The following TAPBPL variants were observed in gnomAD, a reference collection of about 807,000 sequenced individuals.
TAPBPL encodes the protein TAP binding protein like.
A neutral mutation model predicts 44.8 loss-of-function variants in TAPBPL; 32 were observed. That is an observed-to-expected ratio of 0.71 (90% CI 0.54 to 0.96). The LOEUF (loss-of-function observed/expected upper bound fraction) is 0.96. TAPBPL is among the 40% of genes least tolerant of loss of function. The probability of loss-of-function intolerance (pLI) is 0.00; values close to 1 mark genes in which losing one functional copy is unlikely to be tolerated. For synonymous variants in TAPBPL, 230 were observed against 240.7 expected (o/e 0.96, Z 0.41); for missense variants, 520 against 586.6 (o/e 0.89, Z 1.17).
downstream of TAPBPL, chr12:6,464,545 G>C: frequency 6.8e-7 from 1 of 1,468,916 alleles, no homozygotes; most frequent in South Asian, 1.5e-5. Context: ...GAGAAAACAA[G>C]AGGGTGAATT....
chr12:6,463,701 C>A (rs1480348736), downstream of TAPBPL: 1 of 1,119,374 alleles, frequency 8.9e-7, no homozygotes, highest in East Asian at 7.4e-5. The surrounding 1 kb of genome is among the most constrained non-coding windows in gnomAD (Gnocchi z 4.0). Context: ...TTATTTGGTG[C>A]CCTCATACAG....
intron 5 of TAPBPL, among the ~76,000 whole-genome samples, 181 bp downstream of exon 5, chr12:6,459,128 T>G: frequency 6.6e-6 from 1 of 152,250 alleles, no homozygotes; most frequent in East Asian, 1.9e-4. Context: ...CTACCACACA[T>G]CCCCTGAGAC....
chr12:6,462,749 A>G (rs910981042), downstream of TAPBPL: 2 of 1,426,114 alleles, frequency 1.4e-6, no homozygotes, highest in Admixed American at 4.5e-5. Flanking sequence ...GACCCCCTGC[A>G]TTAGGCAAGG....
At chr12:6,458,311 G>A (rs1236284583) in intron 4 of TAPBPL, among the ~76,000 whole-genome samples, 1 of 151,980 alleles carries the variant, frequency 6.6e-6, no homozygotes, top group Non-Finnish European at 1.5e-5. Context: ...CGGAGGTGGA[G>A]GTTGCGGTGA....
Position 6,462,174 on chromosome 12 carries a change from A to G in TAPBPL, c.*25A>G. ...ACCTAAAGCGACATGAGACTACTAGAAAGAAACGACACCCTTCCCCAAGCC... is the reference window on the plus strand; with the variant it reads ...ACCTAAAGCGACATGAGACTACTAGGAAGAAACGACACCCTTCCCCAAGCC... On this transcript the variant is annotated 3_prime_UTR_variant, in exon 7 of 7. Coordinates refer to ENST00000266556, the MANE Select transcript of TAPBPL (RefSeq NM_018009.5). 3.2e-6 allele frequency: 5 copies of G among 1,574,388 alleles called. No homozygotes were observed. The highest frequency in any genetic ancestry group is 4.3e-6 in the Non-Finnish European group (5 of 1,154,186).
intron 4 of TAPBPL, among the ~76,000 whole-genome samples, chr12:6,458,307 T>G (rs1464032231): frequency 2.7e-5 from 4 of 148,156 alleles, no homozygotes; most frequent in Non-Finnish European, 5.9e-5. Context: ...ACCCCGGAGG[T>G]GGAGGTTGCG....
intron 1 of TAPBPL, among the ~76,000 whole-genome samples, chr12:6,452,820 T>C (rs144262185): frequency 3.3e-4 from 51 of 152,348 alleles, no homozygotes; most frequent in Middle Eastern, 3.4e-3. Flanking sequence ...AATGCAAGCA[T>C]AAACTCCTCT....
chr12:6,462,789 A>AG (rs1410508292), downstream of TAPBPL: 1 of 1,578,916 alleles, frequency 6.3e-7, no homozygotes, highest in Non-Finnish European at 8.6e-7. Flanking sequence ...GAGACCTTCG[A>AG]GGGGGGCCGT....
chr12:6,454,028 GA>G (rs1949638616), intron 3 of TAPBPL, among the ~76,000 whole-genome samples: 1 of 149,510 alleles, frequency 6.7e-6, no homozygotes, highest in Non-Finnish European at 1.5e-5. Context: ...AAAAAAAAAA[GA>G]AAAGAAAAGA....
intron 5 of TAPBPL, among the ~76,000 whole-genome samples, chr12:6,459,793 C>T (rs1270688728): frequency 6.6e-6 from 1 of 150,906 alleles, no homozygotes; most frequent in Non-Finnish European, 1.5e-5. Flanking sequence ...TTTTTCGATA[C>T]AGAATCTTGC....
intron 6 of TAPBPL, 110 bp from the exon 7 acceptor site, chr12:6,461,924 G>A (rs1245093459): frequency 1.2e-6 from 1 of 831,486 alleles, no homozygotes; most frequent in Non-Finnish European, 1.9e-6. Flanking sequence ...AGCAGGCCAA[G>A]GACCTAGGAA....
chr12:6,452,509 G>A (rs1186803383), intron 1 of TAPBPL, 197 bp downstream of exon 1: 2 of 1,432,104 alleles, frequency 1.4e-6, no homozygotes, highest in Non-Finnish European at 1.8e-6. Flanking sequence ...GGACTCCACA[G>A]GGAAAATGCT....
At chr12:6,459,304 AG>A (rs1949782929) in intron 5 of TAPBPL, among the ~76,000 whole-genome samples, 1 of 152,236 alleles carries the variant, frequency 6.6e-6, no homozygotes, top group African/African-American at 2.4e-5. Flanking sequence ...CTTAGAGGGA[AG>A]GGAACACTCA....
At chr12:6,452,415 C>A in intron 1 of TAPBPL, 103 bp downstream of exon 1, 1 of 1,477,772 alleles carries the variant, frequency 6.8e-7, no homozygotes. Context: ...CCGGGGATGA[C>A]CCCATCGCCT....
intron 1 of TAPBPL, 74 bp from the exon 2 acceptor site, chr12:6,452,993 G>C: frequency 7.0e-7 from 1 of 1,435,596 alleles, no homozygotes; most frequent in Non-Finnish European, 9.4e-7. Context: ...TCCACAGCTT[G>C]AGGGCGGGGG....
intron 3 of TAPBPL, among the ~76,000 whole-genome samples, chr12:6,456,756 A>G (rs897617332): frequency 6.6e-6 from 1 of 151,478 alleles, no homozygotes; most frequent in Non-Finnish European, 1.5e-5. Context: ...GGATTCAAGC[A>G]ATTCTCCTGT....
chr12:6,452,957 G>C lies in TAPBPL; in HGVS notation c.65-110G>C. ...GGACACAGAAACAGCTAGGATCTTG[G>C]ATGGCAACTTTTACCCTTTGATGAC... On this transcript the variant is annotated intron_variant, in intron 1 of 6. Transcript: ENST00000266556. 3.5e-6 allele frequency: 4 copies of C among 1,156,972 alleles called. No individual in the cohort carries two copies. The South Asian group carries it at 6.1e-5, about 18-fold the overall frequency. The allele number at this position is 1,156,972 out of a possible 1,614,324, so 71.7% of individuals were successfully genotyped here.
intron 6 of TAPBPL, 82 bp downstream of exon 6, chr12:6,461,020 G>A (rs1949845001): frequency 1.9e-6 from 3 of 1,586,376 alleles, no homozygotes; most frequent in Non-Finnish European, 1.7e-6. Context: ...CAGGGTGGAA[G>A]CCCAGATGCC....
chr12:6,453,808 AG>A lies in TAPBPL; in HGVS notation c.565+94del. On this transcript the variant is annotated intron_variant, in intron 3 of 6. Transcript: ENST00000266556. The surrounding 1 kb of genome is among the most constrained non-coding windows in gnomAD (Gnocchi z 4.8). ...CGAGGTCGGTGGATCACCTGAGGTC[AG>A]GAGTTTGAGATCAGCCTGGTCAACA... The A allele has an allele frequency of 7.0e-7, 1 of 1,421,876 alleles. No individual in the cohort carries two copies. Among genetic ancestry groups the A allele is most frequent in the Non-Finnish European group, 9.2e-7 (1 of 1,082,130 alleles). 88.1% of individuals were successfully genotyped at this position (1,421,876 alleles called of 1,614,324 possible). A position where few individuals can be genotyped will look rare whatever the true frequency, so the allele number is the denominator to read the frequency against.
Sources: gnomAD v4.1 joint callset for allele counts (sites outside exome capture counted in the v4.1 genomes callset) on GRCh38, gnomAD v4.1.1 for gene constraint, Gnocchi (gnomAD v3.1) non-coding constraint, MANE v1.5 for transcripts, NCBI Gene and HGNC (gene_info 2026-07-23, HGNC 2026-07-21) for gene names.